PRKCQ: variants seen among roughly 807,000 people sequenced by gnomAD.
PRKCQ encodes protein kinase C theta, also known as protein kinase C theta type.
PRKCQ carries 41 observed loss-of-function variants against 91.2 expected under a neutral mutation model. The observed-to-expected ratio is 0.45, with a 90% CI of 0.35 to 0.58. The LOEUF (loss-of-function observed/expected upper bound fraction) is 0.58. Among genes scored for constraint, PRKCQ ranks in the 20% least tolerant of loss-of-function variants. The probability of loss-of-function intolerance (pLI) is 0.00; values close to 1 mark genes in which losing one functional copy is unlikely to be tolerated. For missense variants in PRKCQ, 673 were observed against 896.5 expected (o/e 0.75, Z 3.18); for synonymous variants, 307 against 316.9 (o/e 0.97, Z 0.33).
intron 13 of PRKCQ, 122 bp downstream of exon 13, chr10:6,464,191 G>A: frequency 1.2e-6 from 1 of 821,142 alleles, no homozygotes; most frequent in Non-Finnish European, 2.0e-6. Flanking sequence ...CTTGCTCGAT[G>A]TATTCCCAAG....
Position 6,430,891 on chromosome 10 carries a change from G to A in PRKCQ, c.1884C>T (p.Ile628=). 1 of 1,614,186 alleles carries A rather than the reference G, an allele frequency of 6.2e-7. No homozygotes were observed. The highest frequency in any genetic ancestry group is 8.5e-7 in the Non-Finnish European group (1 of 1,180,032). ...TCTCCCGAAACAAAGGGTGCTGGCG[G>A]ATGTCTCCCCTCACGCCCAGCCTCT... ...PEKRLGVRGD[I]RQHPLFREIN... Residue 628 remains isoleucine (I), a synonymous_variant, in exon 17 of 18, where the codon ATC becomes ATT. Transcript: ENST00000263125. The surrounding 1 kb of genome is among the most constrained non-coding windows in gnomAD (Gnocchi z 4.7).
the PRKCQ span, among the ~76,000 whole-genome samples, chr10:6,404,403 C>T: frequency 6.6e-6 from 1 of 150,792 alleles, no homozygotes; most frequent in South Asian, 2.1e-4. Flanking sequence ...TTCTTTCTTT[C>T]CTTCTTTCTT....
At chr10:6,493,836 C>A (rs756720769) in intron 7 of PRKCQ, among the ~76,000 whole-genome samples, 1 of 152,178 alleles carries the variant, frequency 6.6e-6, no homozygotes, top group Admixed American at 6.5e-5. Context: ...GCAGAATCAC[C>A]GGTTAGCACA....
At chr10:6,562,088 G>A (rs553522903) in intron 1 of PRKCQ, among the ~76,000 whole-genome samples, 1 of 152,270 alleles carries the variant, frequency 6.6e-6, no homozygotes, top group South Asian at 2.1e-4. Context: ...CACGGACCTG[G>A]CATCTGGAGA....
intron 4 of PRKCQ, among the ~76,000 whole-genome samples, chr10:6,504,898 C>CT (rs144026385): frequency 0.36 from 52,398 of 144,222 alleles, 10,308 homozygotes; most frequent in African/African-American, 0.53. Flanking sequence ...AAGATTTATT[C>CT]TTTTTTTTTT....
chr10:6,449,086 T>C (rs1200452262), intron 15 of PRKCQ, among the ~76,000 whole-genome samples: 2 of 152,114 alleles, frequency 1.3e-5, no homozygotes, highest in African/African-American at 4.8e-5. Context: ...GGATGGAGAA[T>C]GACTTTGACG....
rs188613085 is a variant in PRKCQ, at chr10:6,550,674, G to A, written c.-10+29537C>T. Among the ~76,000 whole-genome samples, 47 of 152,298 alleles carry A rather than the reference G, an allele frequency of 3.1e-4. 1 individual carries two copies. In the East Asian group the frequency reaches 8.1e-3, roughly 26 times the overall value. On this transcript the variant is annotated intron_variant, in intron 1 of 17. Coordinates refer to ENST00000263125, the MANE Select transcript of PRKCQ (RefSeq NM_006257.5). Reference sequence around the variant, plus strand: ...GCTATTGAGAATCCTGCTGCTAATCGATGTGGGTGTGTAAATATCTCTTCA... The same window carrying A: ...GCTATTGAGAATCCTGCTGCTAATCAATGTGGGTGTGTAAATATCTCTTCA...
At chr10:6,479,809 C>T (rs931190506) in intron 11 of PRKCQ, among the ~76,000 whole-genome samples, 13 of 142,136 alleles carry the variant, frequency 9.1e-5, no homozygotes, top group African/African-American at 3.2e-4. Flanking sequence ...AAAAATTAGC[C>T]GGGCATGGTG....
chr10:6,534,783 TATATATATAG>T (rs1564379032), intron 1 of PRKCQ, among the ~76,000 whole-genome samples: 6 of 146,326 alleles, frequency 4.1e-5, no homozygotes, highest in African/African-American at 1.3e-4. Context: ...TCTATATATA[TATATATATAG>T]ATATATATAT....
intron 8 of PRKCQ, among the ~76,000 whole-genome samples, chr10:6,488,169 C>A (rs188228406): frequency 6.6e-6 from 1 of 152,266 alleles, no homozygotes; most frequent in African/African-American, 2.4e-5. Flanking sequence ...CTGATTTGCA[C>A]ATGTGTGTGC....
At chr10:6,505,985 T>G (rs1206851493) in intron 4 of PRKCQ, among the ~76,000 whole-genome samples, 3 of 152,154 alleles carry the variant, frequency 2.0e-5, no homozygotes, top group Non-Finnish European at 4.4e-5. Context: ...TGATTTAAAC[T>G]AATGGGAGGA....
chr10:6,404,681 C>A, the PRKCQ span, among the ~76,000 whole-genome samples: 1 of 142,280 alleles, frequency 7.0e-6, no homozygotes, highest in Middle Eastern at 3.7e-3. Context: ...TCTTTCCTTT[C>A]TTCCTTCCTT....
chr10:6,498,047 G>A (rs1271153621), intron 5 of PRKCQ, among the ~76,000 whole-genome samples: 2 of 152,184 alleles, frequency 1.3e-5, no homozygotes, highest in Non-Finnish European at 2.9e-5. Context: ...AGCACCAGCA[G>A]GGTTGGGCCA....
chr10:6,413,358 A>T, the PRKCQ span, among the ~76,000 whole-genome samples: 2 of 152,170 alleles, frequency 1.3e-5, no homozygotes, highest in Non-Finnish European at 2.9e-5. Context: ...CATCAATGTC[A>T]CCAATAAAAA....
At chr10:6,515,927 C>T (rs1838734850) in intron 1 of PRKCQ, among the ~76,000 whole-genome samples, 1 of 152,170 alleles carries the variant, frequency 6.6e-6, no homozygotes, top group African/African-American at 2.4e-5. Context: ...ATTGAGTGTT[C>T]TGGCCACTTA....
intron 4 of PRKCQ, among the ~76,000 whole-genome samples, chr10:6,504,866 A>C (rs1838101205): frequency 6.6e-6 from 1 of 151,862 alleles, no homozygotes; most frequent in Non-Finnish European, 1.5e-5. Flanking sequence ...GGATCTAGAT[A>C]TAAAAAGTTT....
chr10:6,398,821 A>G, the PRKCQ span, among the ~76,000 whole-genome samples: 2 of 151,884 alleles, frequency 1.3e-5, no homozygotes, highest in African/African-American at 4.8e-5. Context: ...TGGCGCAATT[A>G]CAGCTCACTG....
the PRKCQ span, among the ~76,000 whole-genome samples, chr10:6,415,766 C>T: frequency 2.8e-5 from 2 of 72,334 alleles, no homozygotes; most frequent in Non-Finnish European, 6.5e-5. Context: ...TTTTTTGAGA[C>T]AGAGTCTCTT....
intron 14 of PRKCQ, among the ~76,000 whole-genome samples, chr10:6,458,365 G>A (rs1421609835): frequency 6.6e-6 from 1 of 152,140 alleles, no homozygotes; most frequent in Non-Finnish European, 1.5e-5. Context: ...GGAGAGGGCA[G>A]AGAACCCAGA....
Sources: gnomAD v4.1 joint callset for allele counts (sites outside exome capture counted in the v4.1 genomes callset) on GRCh38, gnomAD v4.1.1 for gene constraint, Gnocchi (gnomAD v3.1) non-coding constraint, MANE v1.5 for transcripts, NCBI Gene and HGNC (gene_info 2026-07-23, HGNC 2026-07-21) for gene names.